The following SLC35F4 variants were observed in gnomAD, a reference collection of about 807,000 sequenced individuals.
SLC35F4 encodes solute carrier family 35 member F4.
SLC35F4 carries 24 observed loss-of-function variants against 44.2 expected under a neutral mutation model. The ratio of observed to expected loss-of-function variants is 0.54; its 90% CI spans 0.39 to 0.76. SLC35F4 has a LOEUF of 0.76. SLC35F4 is among the 30% of genes least tolerant of loss of function. The probability of loss-of-function intolerance (pLI) is 0.00; values close to 1 mark genes in which losing one functional copy is unlikely to be tolerated. For missense variants in SLC35F4, 562 were observed against 586.1 expected (o/e 0.96, Z 0.42); for synonymous variants, 238 against 223.6 (o/e 1.06, Z -0.57).
intron 1 of SLC35F4, among the ~76,000 whole-genome samples, chr14:57,917,305 C>A (rs778887615): frequency 1.8e-4 from 27 of 152,148 alleles, no homozygotes; most frequent in Non-Finnish European, 1.5e-5. Context: ...GTGATCTGCC[C>A]ACCTCGGCCT....
At chr14:57,588,825 T>C (rs931638529) in intron 3 of SLC35F4, among the ~76,000 whole-genome samples, 12 of 152,214 alleles carry the variant, frequency 7.9e-5, no homozygotes, top group Non-Finnish European at 1.5e-4. Context: ...ACTGGGATGT[T>C]CTTATAAAAC....
chr14:57,859,971 C>A (rs913143316), intron 1 of SLC35F4, among the ~76,000 whole-genome samples: 4 of 151,984 alleles, frequency 2.6e-5, no homozygotes, highest in Admixed American at 1.3e-4. Flanking sequence ...GTAGAATGTT[C>A]GAAGGAATTT....
chr14:57,881,545 A>G (rs1052086994), intron 1 of SLC35F4, among the ~76,000 whole-genome samples: 3 of 152,220 alleles, frequency 2.0e-5, no homozygotes, highest in Admixed American at 6.5e-5. Context: ...TAAAATGGGC[A>G]TAATAACATT....
intron 1 of SLC35F4, among the ~76,000 whole-genome samples, chr14:57,754,098 C>CTTTTTT (rs1200175550): frequency 1.6e-4 from 18 of 110,442 alleles, no homozygotes; most frequent in Admixed American, 3.1e-4. Flanking sequence ...TAACCCAATG[C>CTTTTTT]TTTTTTTTTT....
At chr14:57,939,451 G>A (rs916624822) in intron 1 of SLC35F4, among the ~76,000 whole-genome samples, 8 of 152,184 alleles carry the variant, frequency 5.3e-5, no homozygotes, top group African/African-American at 1.2e-4. Flanking sequence ...CCCAGTGCAC[G>A]AGGGGCATTG....
chr14:57,947,168 T>C (rs1890050162), intron 1 of SLC35F4, among the ~76,000 whole-genome samples: 1 of 152,170 alleles, frequency 6.6e-6, no homozygotes, highest in African/African-American at 2.4e-5. Flanking sequence ...AGCAGTGTTT[T>C]GTAGTTTTCC....
chr14:57,673,066 T>C (rs1318581364), intron 1 of SLC35F4, among the ~76,000 whole-genome samples: 1 of 152,104 alleles, frequency 6.6e-6, no homozygotes, highest in Non-Finnish European at 1.5e-5. Flanking sequence ...ATTGCATGAA[T>C]CTTGTAAGTT....
At chr14:57,668,366 T>C (rs2074392814) in intron 1 of SLC35F4, among the ~76,000 whole-genome samples, 1 of 151,924 alleles carries the variant, frequency 6.6e-6, no homozygotes. Context: ...TGTCTTTTGT[T>C]GCCATTGCTT....
chr14:57,695,498 A>G (rs1055396853), intron 1 of SLC35F4, among the ~76,000 whole-genome samples: 60 of 151,302 alleles, frequency 4.0e-4, no homozygotes, highest in African/African-American at 1.4e-3. Context: ...TTAGAATGGC[A>G]ATCATTAAAA....
intron 1 of SLC35F4, among the ~76,000 whole-genome samples, chr14:57,961,283 T>G (rs1158093294): frequency 1.3e-5 from 2 of 151,922 alleles, no homozygotes; most frequent in Non-Finnish European, 2.9e-5. Flanking sequence ...TACTGGGAGG[T>G]GTAGAATCCC....
At chr14:57,847,556 G>T (rs1424225176) in intron 1 of SLC35F4, among the ~76,000 whole-genome samples, 1 of 152,078 alleles carries the variant, frequency 6.6e-6, no homozygotes, top group African/African-American at 2.4e-5. Flanking sequence ...AATGGGCCAG[G>T]ATACCATGAT....
At chr14:57,650,364 C>G (rs1263487113) in intron 1 of SLC35F4, among the ~76,000 whole-genome samples, 2 of 152,066 alleles carry the variant, frequency 1.3e-5, no homozygotes, top group Non-Finnish European at 2.9e-5. Flanking sequence ...TCCTCCCTCC[C>G]AAATATTTCT....
At chr14:57,630,656 G>A (rs1358209107) in intron 1 of SLC35F4, 1 of 694,234 alleles carries the variant, frequency 1.4e-6, no homozygotes, top group Non-Finnish European at 2.7e-6. Context: ...CGGTATCAAG[G>A]TCTTGGACTA....
intron 1 of SLC35F4, among the ~76,000 whole-genome samples, chr14:57,831,495 G>T (rs938395055): frequency 7.2e-5 from 11 of 152,194 alleles, no homozygotes; most frequent in Admixed American, 5.2e-4. Context: ...GCGTGAATCT[G>T]GAGGGACAAA....
chr14:57,846,192 A>C (rs1481683363), intron 1 of SLC35F4, among the ~76,000 whole-genome samples: 1 of 152,242 alleles, frequency 6.6e-6, no homozygotes, highest in Admixed American at 6.5e-5. Flanking sequence ...CATTATTGAA[A>C]TAAGGCCCCC....
intron 1 of SLC35F4, among the ~76,000 whole-genome samples, chr14:57,771,607 T>A (rs186230216): frequency 3.9e-5 from 6 of 152,230 alleles, no homozygotes; most frequent in Non-Finnish European, 5.9e-5. Context: ...CTTATTTATT[T>A]ATTTGAGACA....
At chr14:57,709,994 C>T (rs893479056) in intron 1 of SLC35F4, among the ~76,000 whole-genome samples, 1 of 152,224 alleles carries the variant, frequency 6.6e-6, no homozygotes, top group Non-Finnish European at 1.5e-5. Flanking sequence ...GCATAAGTAA[C>T]AAGGAGCCAA....
At chr14:57,644,806 A>G (rs1268019955) in intron 1 of SLC35F4, among the ~76,000 whole-genome samples, 1 of 152,210 alleles carries the variant, frequency 6.6e-6, no homozygotes, top group Non-Finnish European at 1.5e-5. Context: ...TATAAGGTGT[A>G]AGGAAGGGAT....
chr14:57,642,957 A>G (rs985126749), intron 1 of SLC35F4, among the ~76,000 whole-genome samples: 2 of 151,940 alleles, frequency 1.3e-5, no homozygotes, highest in Non-Finnish European at 2.9e-5. Flanking sequence ...TTGTTATAGG[A>G]CATCTACTCT....
Sources: gnomAD v4.1 joint callset for allele counts (sites outside exome capture counted in the v4.1 genomes callset) on GRCh38, gnomAD v4.1.1 for gene constraint, MANE v1.5 for transcripts, NCBI Gene and HGNC (gene_info 2026-07-23, HGNC 2026-07-21) for gene names.